Variants in RCL1 observed in about 807,000 individuals in gnomAD.
RCL1 encodes the protein RNA terminal phosphate cyclase like 1.
RCL1 carries 24 observed loss-of-function variants against 42.4 expected under a neutral mutation model. That is an observed-to-expected ratio of 0.57 (90% CI 0.41 to 0.80). The LOEUF (loss-of-function observed/expected upper bound fraction) is 0.80, where lower values mean the gene tolerates loss of function less well. RCL1 is among the 30% of genes least tolerant of loss of function. RCL1 has a pLI of 0.00. For missense variants in RCL1, 578 were observed against 467.9 expected (o/e 1.24, Z -2.17); for synonymous variants, 228 against 177.3 (o/e 1.29, Z -2.27).
At chr9:4,837,768 A>G (rs185616577) in intron 5 of RCL1, among the ~76,000 whole-genome samples, 1 of 152,118 alleles carries the variant, frequency 6.6e-6, no homozygotes, top group African/African-American at 2.4e-5. Context: ...TTCTCCCTCT[A>G]ATGTTCTTGG....
chr9:4,803,725 G>C (rs544902447), intron 1 of RCL1: 1 of 153,598 alleles, frequency 6.5e-6, no homozygotes, highest in Non-Finnish European at 1.4e-5. Context: ...AGTGTGAAAG[G>C]TAAAAAAAAA....
At chr9:4,797,058 G>T (rs1343008272) in intron 1 of RCL1, among the ~76,000 whole-genome samples, 2 of 152,122 alleles carry the variant, frequency 1.3e-5, no homozygotes, top group African/African-American at 4.8e-5. Context: ...AGAGCTTGGG[G>T]TCAGTATTGG....
chr9:4,838,310 G>A (rs150444576), intron 5 of RCL1, among the ~76,000 whole-genome samples: 101 of 152,306 alleles, frequency 6.6e-4, no homozygotes, highest in African/African-American at 2.3e-3. Flanking sequence ...GCTGGTGTTG[G>A]TTCCTGCCAG....
At chr9:4,843,258 G>A (rs1361242385) in intron 6 of RCL1, among the ~76,000 whole-genome samples, 1 of 152,064 alleles carries the variant, frequency 6.6e-6, no homozygotes, top group Non-Finnish European at 1.5e-5. Context: ...AGATGTAAGA[G>A]TTTATGTTGT....
intron 6 of RCL1, among the ~76,000 whole-genome samples, chr9:4,843,646 C>T (rs759599504): frequency 2.0e-5 from 3 of 152,110 alleles, no homozygotes; most frequent in Admixed American, 6.6e-5. Context: ...TAAAGTTTAT[C>T]GTAATGACAA....
At chr9:4,820,947 C>T (rs912286511) in intron 1 of RCL1, among the ~76,000 whole-genome samples, 14 of 152,238 alleles carry the variant, frequency 9.2e-5, no homozygotes, top group Admixed American at 7.2e-4. Flanking sequence ...ACAGTTATTC[C>T]AACGTAGTTT....
At chr9:4,818,600 C>A (rs918085675) in intron 1 of RCL1, among the ~76,000 whole-genome samples, 1 of 151,908 alleles carries the variant, frequency 6.6e-6, no homozygotes, top group Admixed American at 6.6e-5. Context: ...AATTGAAATC[C>A]GGCCGGGCTA....
At chr9:4,814,486 G>A (rs1167485994) in intron 1 of RCL1, among the ~76,000 whole-genome samples, 7 of 151,974 alleles carry the variant, frequency 4.6e-5, no homozygotes, top group Admixed American at 2.6e-4. Context: ...CAGGCTGGTC[G>A]CCAACTCCTG....
At chr9:4,851,529 T>C (rs906521909) in intron 8 of RCL1, among the ~76,000 whole-genome samples, 6 of 152,212 alleles carry the variant, frequency 3.9e-5, no homozygotes, top group African/African-American at 1.4e-4. Flanking sequence ...AAAGTTAACA[T>C]TGTATTTGTG....
At chr9:4,845,768 A>G (rs1021095536) in intron 7 of RCL1, among the ~76,000 whole-genome samples, 1 of 152,242 alleles carries the variant, frequency 6.6e-6, no homozygotes, top group Non-Finnish European at 1.5e-5. Flanking sequence ...AGCATCAGCA[A>G]GAACTATACT....
intron 8 of RCL1, among the ~76,000 whole-genome samples, chr9:4,856,529 G>T (rs2129747528): frequency 6.6e-6 from 1 of 152,292 alleles, no homozygotes; most frequent in East Asian, 1.9e-4. Flanking sequence ...CAGTGTTGGA[G>T]AAAAGCATTG....
chr9:4,859,702 C>A (rs1475608958), intron 8 of RCL1, among the ~76,000 whole-genome samples: 3 of 152,146 alleles, frequency 2.0e-5, no homozygotes, highest in Non-Finnish European at 2.9e-5. Flanking sequence ...TACATTGGGA[C>A]ACCCATAGTC....
At chr9:4,828,091 C>T (rs1423141502) in intron 3 of RCL1, among the ~76,000 whole-genome samples, 5 of 143,248 alleles carry the variant, frequency 3.5e-5, no homozygotes, top group Non-Finnish European at 7.4e-5. Context: ...GAGACTGAGG[C>T]AGGAGAATGG....
chr9:4,847,740 T>C (rs1296637775), intron 7 of RCL1, among the ~76,000 whole-genome samples: 1 of 152,234 alleles, frequency 6.6e-6, no homozygotes, highest in Non-Finnish European at 1.5e-5. Context: ...CGGAAAGGCT[T>C]GCCTTAATTG....
At chr9:4,837,638 G>C (rs1463161155) in intron 5 of RCL1, among the ~76,000 whole-genome samples, 1 of 152,166 alleles carries the variant, frequency 6.6e-6, no homozygotes, top group African/African-American at 2.4e-5. Context: ...TGGGTGTGCA[G>C]ATGGTCGTGT....
chr9:4,849,574 G>C, intron 8 of RCL1, 24 bp downstream of exon 8: 4 of 1,546,134 alleles, frequency 2.6e-6, no homozygotes, highest in Non-Finnish European at 3.6e-6. Context: ...TTTCAACCTC[G>C]TTATTCTGTC....
chr9:4,800,272 T>G (rs1842976818), intron 1 of RCL1, among the ~76,000 whole-genome samples: 2 of 152,148 alleles, frequency 1.3e-5, no homozygotes, highest in South Asian at 4.1e-4. Context: ...TGGAGTGCAG[T>G]GGCACGATCT....
chr9:4,830,795 T>G (rs1198997610), intron 3 of RCL1, among the ~76,000 whole-genome samples: 1 of 152,222 alleles, frequency 6.6e-6, no homozygotes, highest in Admixed American at 6.5e-5. Context: ...TCCTCTCTTT[T>G]TTCTTTTTTT....
chr9:4,805,976 T>C (rs773307636), intron 1 of RCL1, among the ~76,000 whole-genome samples: 3 of 151,982 alleles, frequency 2.0e-5, no homozygotes, highest in Admixed American at 6.6e-5. Flanking sequence ...TTTTAAATTT[T>C]AGTTTCTGTG....
Sources: allele counts gnomAD v4.1 joint callset (sites outside exome capture counted in the v4.1 genomes callset), GRCh38; gene constraint gnomAD v4.1.1; transcripts MANE v1.5; gene names NCBI Gene and HGNC (gene_info 2026-07-23, HGNC 2026-07-21).